The following GCN1 variants were observed in gnomAD, a reference collection of about 807,000 sequenced individuals.
GCN1 encodes stalled ribosome sensor GCN1.
GCN1 carries 90 observed loss-of-function variants against 288.4 expected under a neutral mutation model. The observed-to-expected ratio is 0.31, with a 90% CI of 0.26 to 0.37. GCN1 has a LOEUF of 0.37. GCN1 is among the 10% of genes least tolerant of loss of function. The pLI is 1.00. For synonymous variants in GCN1, 1,386 were observed against 1,420.2 expected (o/e 0.98, Z 0.54); for missense variants, 2,586 against 3,419.9 (o/e 0.76, Z 6.08).
chr12:120,178,934 A>G lies in GCN1; in HGVS notation c.443T>C (p.Leu148Pro). Residue 148 changes from leucine to proline, a missense_variant, in exon 6 of 58, where the codon CTG (leucine) becomes CCG (proline). Leu to Pro is a moderately conservative substitution (Grantham distance 98). Transcript: ENST00000300648. ...GCCACCCAGCACCTCCAGCAAGAGC[A>G]GGCACTGCACTTCCACCTGCCAGGA... ...IWNKLVEVQC[L>P]LLLEVLGGSH... 1.9e-6 allele frequency: 3 copies of G among 1,613,602 alleles called. No individual in the cohort carries two copies. The highest frequency in any genetic ancestry group is 2.5e-6 in the Non-Finnish European group (3 of 1,179,888).
At chr12:120,183,313 A>C (rs1878724508) in intron 5 of GCN1, among the ~76,000 whole-genome samples, 1 of 152,180 alleles carries the variant, frequency 6.6e-6, no homozygotes, top group African/African-American at 2.4e-5. Flanking sequence ...CAGGGGCCTC[A>C]TTTCTGTTGT....
At chr12:120,161,398 C>CA (rs963264605) in intron 22 of GCN1, 92 bp downstream of exon 22, 5 of 792,276 alleles carry the variant, frequency 6.3e-6, no homozygotes, top group African/African-American at 3.4e-5. Flanking sequence ...CAGGATGTTC[C>CA]AAGTGAACAG....
In GCN1 at chr12:120,158,051, T is replaced by TA. The variant is rs1331866499; in HGVS notation, c.2906-22dup. The TA allele has an allele frequency of 3.7e-6, 6 of 1,611,346 alleles. No homozygotes were observed. Among genetic ancestry groups the TA allele is most frequent in the African/African-American group, 1.3e-5 (1 of 74,894 alleles). On this transcript the variant is annotated intron_variant, in intron 25 of 57. Transcript: ENST00000300648. The surrounding 1 kb of genome is among the most constrained non-coding windows in gnomAD (Gnocchi z 4.3). ...AGCACCTGTGAGAGCGAGAAGCAGA[T>TA]AAGATTCTGCAGGCAGGGCAGGGAC...
chr12:120,150,325 G>A (rs916875528), intron 34 of GCN1, among the ~76,000 whole-genome samples: 11 of 152,166 alleles, frequency 7.2e-5, no homozygotes, highest in Non-Finnish European at 1.2e-4. Flanking sequence ...GGCCGGGCGC[G>A]GTGGCTCACA....
intron 50 of GCN1, 81 bp from the exon 51 acceptor site, chr12:120,136,813 A>C: frequency 2.1e-6 from 2 of 958,006 alleles, no homozygotes; most frequent in Non-Finnish European, 3.3e-6. Context: ...AGTGGTCCTG[A>C]CAGCTGTCCT....
In GCN1 at chr12:120,164,454, G is replaced by A. The variant is rs1432919620; in HGVS notation, c.1730C>T (p.Thr577Ile). The A allele has an allele frequency of 6.2e-7, 1 of 1,614,190 alleles. No homozygotes were observed. Among genetic ancestry groups the A allele is most frequent in the Non-Finnish European group, 8.5e-7 (1 of 1,180,018 alleles). Reference sequence around the variant, plus strand: ...CTGAGCCTGCCTGCGGACGTGCCAGGTGCGGCTCAGGAGCACCGCCACCAG... The same window carrying A: ...CTGAGCCTGCCTGCGGACGTGCCAGATGCGGCTCAGGAGCACCGCCACCAG... ...RALVAVLLSRTWHVRRQAQQT... is the reference protein window; with the variant it reads ...RALVAVLLSRIWHVRRQAQQT... Residue 577 changes from threonine (T) to isoleucine (I), a missense_variant, in exon 18 of 58, where the codon ACC (threonine) becomes ATC (isoleucine). Around this residue, in one of 8 missense-constraint regions of GCN1, gnomAD observed 913 missense variants for 1,107.0 expected, o/e 0.82. Transcript: ENST00000300648.
Position 120,134,663 on chromosome 12 carries a change from C to T in GCN1, c.7072G>A (p.Asp2358Asn). 1 of 1,613,690 alleles carries T rather than the reference C, an allele frequency of 6.2e-7. No homozygotes were observed. The highest frequency in any genetic ancestry group is 8.5e-7 in the Non-Finnish European group (1 of 1,180,034). Residue 2358 changes from aspartate to asparagine, a missense_variant, in exon 52 of 58, where the codon GAC becomes AAC. Physicochemically the swap from Asp to Asn is conservative, Grantham distance 23. This residue lies in a region of GCN1 where 355 missense variants were observed against 431.1 expected (regional missense o/e 0.82). Coordinates refer to ENST00000300648, the MANE Select transcript of GCN1 (RefSeq NM_006836.2). The surrounding 1 kb of genome is among the most constrained non-coding windows in gnomAD (Gnocchi z 5.0). Reference sequence around the variant, plus strand: ...TTCAGGCGCACCCCCCGGTTGGAGTCCTGCAGGGCTTTGGTGAAAGTGGTC... The same window carrying T: ...TTCAGGCGCACCCCCCGGTTGGAGTTCTGCAGGGCTTTGGTGAAAGTGGTC... ...LQTTFTKALQDSNRGVRLKAA... is the reference protein window; with the variant it reads ...LQTTFTKALQNSNRGVRLKAA...
At position 120,137,895 on chromosome 12, in the gene GCN1, C is replaced by T; in HGVS notation, c.6393+6G>A. 1.2e-6 allele frequency: 2 copies of T among 1,614,116 alleles called. No homozygotes were observed. Among genetic ancestry groups the T allele is most frequent in the Non-Finnish European group, 1.7e-6 (2 of 1,179,968 alleles). On this transcript the variant is annotated splice_donor_region_variant and intron_variant, in intron 48 of 57. Coordinates refer to ENST00000300648, the MANE Select transcript of GCN1 (RefSeq NM_006836.2). This position sits in a 1 kb window ranked among gnomAD's most constrained non-coding sequence, Gnocchi z 5.2. ...ATGAGAAAGCAGGAGCAGGCTCGCC[C>T]CTTACCAGCTGCTCATCTGGGGTCC...
intron 3 of GCN1, 109 bp from the exon 4 acceptor site, chr12:120,184,352 A>G: frequency 1.1e-6 from 1 of 878,776 alleles, no homozygotes; most frequent in Non-Finnish European, 1.8e-6. Context: ...TGATCACACC[A>G]TATTCCAGTG....
chr12:120,184,708 G>A (rs918356081), intron 3 of GCN1, 116 bp downstream of exon 3: 9 of 775,876 alleles, frequency 1.2e-5, no homozygotes, highest in Non-Finnish European at 2.1e-5. Context: ...GCTAGGATGT[G>A]ACATAGCCCA....
intron 22 of GCN1, among the ~76,000 whole-genome samples, chr12:120,160,694 C>T (rs1877897916): frequency 6.6e-6 from 1 of 152,234 alleles, no homozygotes; most frequent in Non-Finnish European, 1.5e-5. Flanking sequence ...ACAGAACTCA[C>T]TCACTCATTC....
intron 33 of GCN1, among the ~76,000 whole-genome samples, chr12:120,151,964 A>G (rs1157373500): frequency 2.6e-5 from 4 of 152,076 alleles, no homozygotes; most frequent in African/African-American, 9.7e-5. Context: ...TTCTGACACC[A>G]TATTTGACCA....
In GCN1 at chr12:120,170,243, T is replaced by C; in HGVS notation, c.1445A>G (p.Gln482Arg). ...AACCCCTTCAGTGATGGTGGGAACCTGAGTGCTTTGGGAGGCTGCCTTCTC... is the reference window on the plus strand; with the variant it reads ...AACCCCTTCAGTGATGGTGGGAACCCGAGTGCTTTGGGAGGCTGCCTTCTC... ...TVEKAASQSTQVPTITEGVAA... is the reference protein window; with the variant it reads ...TVEKAASQSTRVPTITEGVAA... Residue 482 changes from glutamine to arginine, a missense_variant, in exon 15 of 58, where the codon CAG (glutamine) becomes CGG (arginine). Coordinates refer to ENST00000300648, the MANE Select transcript of GCN1 (RefSeq NM_006836.2). The C allele has an allele frequency of 6.2e-7, 1 of 1,614,118 alleles. No individual in the cohort carries two copies. Among genetic ancestry groups the C allele is most frequent in the Non-Finnish European group, 8.5e-7 (1 of 1,179,960 alleles).
At position 120,175,768 on chromosome 12, in the gene GCN1, C is replaced by T. The variant is rs1878462891; in HGVS notation, c.1020G>A (p.Lys340=). 2.5e-6 allele frequency: 4 copies of T among 1,612,626 alleles called. No individual in the cohort carries two copies. The East Asian group carries it at 8.9e-5, about 36-fold the overall frequency. Reference sequence around the variant, plus strand: ...CACCTCCGAGGATAGCAAATAGGTGCTTGGTCAGGGATTCCATGGCCGAAG... The same window carrying T: ...CACCTCCGAGGATAGCAAATAGGTGTTTGGTCAGGGATTCCATGGCCGAAG... ...SDSSAMESLT[K]HLFAILGGSE... The change falls in exon 11 of 58, where the codon AAG becomes AAA. Residue 340 remains lysine, a synonymous_variant. Coordinates refer to ENST00000300648, the MANE Select transcript of GCN1 (RefSeq NM_006836.2).
chr12:120,185,623 C>A (rs970503063), intron 2 of GCN1, among the ~76,000 whole-genome samples: 1 of 152,176 alleles, frequency 6.6e-6, no homozygotes. Context: ...ATTTTTCAGA[C>A]GGAGTCTCAC....
intron 34 of GCN1, 32 bp downstream of exon 34, chr12:120,151,113 T>G (rs775177328): frequency 9.4e-5 from 151 of 1,603,884 alleles, no homozygotes; most frequent in Non-Finnish European, 1.2e-4. Context: ...CAACTTCCCA[T>G]GCTGGGCAGC....
chr12:120,153,985 C>A lies in GCN1; in HGVS notation c.3702-76G>T. 1.5e-6 allele frequency: 2 copies of A among 1,307,580 alleles called. No individual in the cohort carries two copies. The highest frequency in any genetic ancestry group is 1.1e-6 in the Non-Finnish European group (1 of 934,658). 81.0% of individuals were successfully genotyped at this position (1,307,580 alleles called of 1,614,324 possible). A position where few individuals can be genotyped will look rare whatever the true frequency, so the allele number is the denominator to read the frequency against. On this transcript the variant is annotated intron_variant, in intron 31 of 57. Coordinates refer to ENST00000300648, the MANE Select transcript of GCN1 (RefSeq NM_006836.2). The surrounding 1 kb of genome is among the most constrained non-coding windows in gnomAD (Gnocchi z 4.4). ...TGCCAGTGGAACCTCTGCTGGTGCACGGCAAGGAGAGGGAGCTTGCCTGAG... is the reference window on the plus strand; with the variant it reads ...TGCCAGTGGAACCTCTGCTGGTGCAAGGCAAGGAGAGGGAGCTTGCCTGAG...
Position 120,175,751 on chromosome 12 carries a change from A to T in GCN1, c.1037T>A (p.Leu346His). Residue 346 changes from leucine to histidine, a missense_variant, in exon 11 of 58, where the codon CTC becomes CAC. Around this residue, in one of 8 missense-constraint regions of GCN1, gnomAD observed 913 missense variants for 1,107.0 expected, o/e 0.82. Transcript: ENST00000300648. ...GGCCAAGAAGGCTTGCTCACCTCCG[A>T]GGATAGCAAATAGGTGCTTGGTCAG... The part of the protein sequence containing the change: ...ESLTKHLFAI[L>H]GGSEGKLTVV... The T allele has an allele frequency of 6.2e-7, 1 of 1,611,792 alleles. No homozygotes were observed. Among genetic ancestry groups the T allele is most frequent in the Non-Finnish European group, 8.5e-7 (1 of 1,179,148 alleles).
intron 4 of GCN1, 54 bp from the exon 5 acceptor site, chr12:120,183,731 G>T: frequency 9.5e-7 from 1 of 1,057,208 alleles, no homozygotes; most frequent in South Asian, 1.2e-5. Context: ...CCTTGAGGAC[G>T]AACACTGTCC....
Sources: allele counts gnomAD v4.1 joint callset (sites outside exome capture counted in the v4.1 genomes callset), GRCh38; gene constraint gnomAD v4.1.1; regional missense constraint gnomAD v4.1.1; non-coding constraint Gnocchi (gnomAD v3.1); transcripts MANE v1.5; gene names NCBI Gene and HGNC (gene_info 2026-07-23, HGNC 2026-07-21).